The following ANKS1B variants were observed in gnomAD, a reference collection of about 807,000 sequenced individuals.
ANKS1B encodes the protein ankyrin repeat and sterile alpha motif domain containing 1B, also known as ankyrin repeat and sterile alpha motif domain-containing protein 1B.
A neutral mutation model predicts 148.3 loss-of-function variants in ANKS1B; 36 were observed. The observed-to-expected ratio is 0.24, with a 90% CI of 0.19 to 0.32. The LOEUF (loss-of-function observed/expected upper bound fraction) is 0.32, where lower values mean the gene tolerates loss of function less well. Among genes scored for constraint, ANKS1B ranks in the 10% least tolerant of loss-of-function variants. The probability of loss-of-function intolerance (pLI) is 1.00; values close to 1 mark genes in which losing one functional copy is unlikely to be tolerated. For synonymous variants in ANKS1B, 542 were observed against 560.8 expected (o/e 0.97, Z 0.47); for missense variants, 1,157 against 1,542.6 (o/e 0.75, Z 4.19).
rs528604434 is a variant in ANKS1B at position 98,869,712 on chromosome 12, T to C, written c.2779-37576A>G. On this transcript the variant is annotated intron_variant, in intron 17 of 26. Transcript: ENST00000683438. The stretch of plus-strand genomic sequence containing the variant: ...ATGTATGTGTGTGTATGTGTGTATA[T>C]ATATGTATATATATAAACGTTAACA... Among the ~76,000 whole-genome samples, 9 of 152,148 alleles carry C rather than the reference T, an allele frequency of 5.9e-5. No homozygotes were observed. In the South Asian group the frequency reaches 8.3e-4, roughly 14 times the overall value.
chr12:99,755,101 T>C (rs1018549534), intron 8 of ANKS1B, among the ~76,000 whole-genome samples: 2 of 150,582 alleles, frequency 1.3e-5, no homozygotes, highest in African/African-American at 4.9e-5. Context: ...ATAGAACAAA[T>C]AGCTAAGCTA....
At chr12:99,322,558 A>C (rs2085495543) in intron 12 of ANKS1B, among the ~76,000 whole-genome samples, 1 of 152,144 alleles carries the variant, frequency 6.6e-6, no homozygotes, top group South Asian at 2.1e-4. Flanking sequence ...AAACAAAACA[A>C]AAAACAATAT....
At chr12:99,229,139 T>C (rs2086424726) in intron 14 of ANKS1B, among the ~76,000 whole-genome samples, 1 of 151,968 alleles carries the variant, frequency 6.6e-6, no homozygotes, top group Non-Finnish European at 1.5e-5. Flanking sequence ...GCATATGTCC[T>C]TTCAGATTTT....
chr12:99,463,311 C>T (rs890023897), intron 10 of ANKS1B, among the ~76,000 whole-genome samples: 14 of 152,258 alleles, frequency 9.2e-5, no homozygotes, highest in Middle Eastern at 3.4e-3. Flanking sequence ...ATGCGGCAGC[C>T]AAGATGGCCG....
intron 17 of ANKS1B, among the ~76,000 whole-genome samples, chr12:99,008,867 G>T (rs1388103155): frequency 6.6e-6 from 1 of 151,996 alleles, no homozygotes; most frequent in East Asian, 1.9e-4. Context: ...ATGACCCCTA[G>T]CAGAAACTCA....
At chr12:99,723,509 T>C (rs1196337329) in intron 8 of ANKS1B, among the ~76,000 whole-genome samples, 3 of 152,058 alleles carry the variant, frequency 2.0e-5, no homozygotes, top group Admixed American at 2.0e-4. Context: ...CCGGAGCCAC[T>C]AGGGGTAGGG....
intron 1 of ANKS1B, among the ~76,000 whole-genome samples, chr12:99,827,393 C>A (rs1475769248): frequency 1.3e-5 from 2 of 150,568 alleles, no homozygotes; most frequent in African/African-American, 2.5e-5. Flanking sequence ...GGGAGTAGAA[C>A]GGGGGAAATA....
Position 99,636,063 on chromosome 12 carries a change from C to T in ANKS1B, c.1272+19004G>A, listed in dbSNP as rs994798522. Among the ~76,000 whole-genome samples the T allele has an allele frequency of 6.6e-5, 10 of 150,710 alleles. No homozygotes were observed. In the East Asian group the frequency reaches 9.7e-4, roughly 15 times the overall value. On this transcript the variant is annotated intron_variant, in intron 9 of 26. Coordinates refer to ENST00000683438, the MANE Select transcript of ANKS1B (RefSeq NM_001352186.2). ...CATAAAAATTAAAACTTTTACACCA[C>T]AAAAAAAAGATAAATACCAAGAAAC...
intron 12 of ANKS1B, among the ~76,000 whole-genome samples, chr12:99,368,760 C>A (rs1011185329): frequency 6.6e-6 from 1 of 151,970 alleles, no homozygotes; most frequent in African/African-American, 2.4e-5. Context: ...GAGAGACACA[C>A]GACTATCAAA....
At chr12:99,080,536 T>C (rs1368699370) in intron 16 of ANKS1B, among the ~76,000 whole-genome samples, 1 of 152,208 alleles carries the variant, frequency 6.6e-6, no homozygotes, top group African/African-American at 2.4e-5. Context: ...TGCTGAAATA[T>C]ACTGTCAACT....
At chr12:99,206,153 T>A (rs1028070027) in intron 14 of ANKS1B, among the ~76,000 whole-genome samples, 2 of 152,148 alleles carry the variant, frequency 1.3e-5, no homozygotes, top group Admixed American at 6.5e-5. Flanking sequence ...GTGAAAGCAT[T>A]ATATAACCCA....
intron 15 of ANKS1B, among the ~76,000 whole-genome samples, chr12:99,098,135 T>A (rs1030298187): frequency 3.9e-5 from 6 of 152,144 alleles, no homozygotes; most frequent in Non-Finnish European, 8.8e-5. Flanking sequence ...GCTATTATCA[T>A]CCCCATTTTA....
At chr12:99,004,426 A>G (rs1055850239) in intron 17 of ANKS1B, among the ~76,000 whole-genome samples, 1 of 152,194 alleles carries the variant, frequency 6.6e-6, no homozygotes. Flanking sequence ...CAGAGTAAGC[A>G]CTAGATAGGG....
At chr12:99,435,417 A>G in intron 11 of ANKS1B, among the ~76,000 whole-genome samples, 1 of 152,092 alleles carries the variant, frequency 6.6e-6, no homozygotes, top group East Asian at 1.9e-4. Flanking sequence ...TCCCAAATAC[A>G]TTTTCTAAAA....
At chr12:99,061,721 C>T (rs1257190156) in intron 16 of ANKS1B, among the ~76,000 whole-genome samples, 1 of 152,172 alleles carries the variant, frequency 6.6e-6, no homozygotes, top group Non-Finnish European at 1.5e-5. Context: ...ACAAACATAA[C>T]TAAAAATAAG....
At chr12:99,086,481 T>C (rs934840352) in intron 15 of ANKS1B, among the ~76,000 whole-genome samples, 3 of 152,166 alleles carry the variant, frequency 2.0e-5, no homozygotes, top group Non-Finnish European at 4.4e-5. Context: ...CCATAATGGG[T>C]AGCCATGGAC....
intron 15 of ANKS1B, among the ~76,000 whole-genome samples, chr12:99,111,353 G>A (rs530298913): frequency 1.3e-5 from 2 of 152,018 alleles, no homozygotes; most frequent in African/African-American, 2.4e-5. Flanking sequence ...AATATTAAAA[G>A]GTATTTTTAA....
chr12:98,779,330 G>C (rs2153507437), intron 24 of ANKS1B, among the ~76,000 whole-genome samples: 1 of 152,246 alleles, frequency 6.6e-6, no homozygotes, highest in East Asian at 1.9e-4. Flanking sequence ...AACCGGCAGA[G>C]CTCTCTTTCA....
At chr12:98,756,210 T>A (rs919335212) in intron 25 of ANKS1B, among the ~76,000 whole-genome samples, 3 of 152,154 alleles carry the variant, frequency 2.0e-5, no homozygotes, top group Non-Finnish European at 4.4e-5. Context: ...TGGGAGGTAA[T>A]TGAATCATGG....
Sources: gnomAD v4.1 joint callset for allele counts (sites outside exome capture counted in the v4.1 genomes callset) on GRCh38, gnomAD v4.1.1 for gene constraint, MANE v1.5 for transcripts, NCBI Gene and HGNC (gene_info 2026-07-23, HGNC 2026-07-21) for gene names.